The following COL6A5 variants were observed in gnomAD, a reference collection of about 807,000 sequenced individuals.
COL6A5 encodes the protein collagen alpha-5(VI) chain.
COL6A5 carries 48 observed loss-of-function variants against 65.6 expected under a neutral mutation model. The observed-to-expected ratio is 0.73, with a 90% confidence interval of 0.58 to 0.93. COL6A5 has a LOEUF of 0.93. Ranked by LOEUF, COL6A5 falls within the 40% of genes least tolerant of loss-of-function variation. The pLI is 0.00. For synonymous variants in COL6A5, 291 were observed against 322.8 expected, an observed-to-expected ratio of 0.90 and a Z score of 1.05; for missense variants, 914 against 928.3, an observed-to-expected ratio of 0.98 and a Z score of 0.20.
exon 9 of COL6A5, chr3:130,397,718 G>A: frequency 6.4e-7 from 1 of 1,551,710 alleles, no homozygotes; most frequent in Non-Finnish European, 8.7e-7. Context: ...AAGGGGGTGA[G>A]CTGTGGGGCT....
intron 4 of COL6A5, among the ~76,000 whole-genome samples, chr3:130,448,354 G>A (rs564071906): frequency 6.6e-6 from 1 of 152,140 alleles, no homozygotes; most frequent in Admixed American, 6.6e-5. Context: ...CTGGGGCTGC[G>A]GAGGTCGGAA....
chr3:130,465,846 G>C (rs1053088686), intron 5 of COL6A5, among the ~76,000 whole-genome samples: 1 of 151,928 alleles, frequency 6.6e-6, no homozygotes, highest in East Asian at 1.9e-4. Context: ...AAACATGAAA[G>C]ATATAAAAAG....
Position 130,452,001 on chromosome 3 carries a change from G to T in COL6A5, c.1333-3454G>T, listed in dbSNP as rs959099262. ...ACGATCCCATAGTTCTACATCTAAG[G>T]TTCCTTTTTCAGGAAACCAAGGACA... On this transcript the variant is annotated intron_variant, in intron 4 of 7. Coordinates refer to ENST00000512836, the Ensembl canonical transcript of COL6A5. Among the ~76,000 whole-genome samples, 22 of 152,258 alleles carry T rather than the reference G, an allele frequency of 1.4e-4. No homozygotes were observed. In the South Asian group the frequency reaches 1.5e-3, roughly 10 times the overall value.
intron 7 of COL6A5, among the ~76,000 whole-genome samples, chr3:130,472,430 A>G (rs1284609648): frequency 1.3e-5 from 2 of 152,022 alleles, no homozygotes; most frequent in Non-Finnish European, 2.9e-5. Flanking sequence ...GCAGCTCCAT[A>G]GGCTGGGTGG....
At chr3:130,423,845 T>C in exon 29 of COL6A5, 1 of 1,549,514 alleles carries the variant, frequency 6.5e-7, no homozygotes, top group Non-Finnish European at 8.7e-7. Context: ...CAGCTCACTG[T>C]AGGCTTGAAA....
exon 5 of COL6A5, chr3:130,385,129 G>A (rs1490229216): frequency 1.3e-6 from 2 of 1,550,940 alleles, no homozygotes; most frequent in African/African-American, 2.7e-5. Context: ...GAATGAGCAA[G>A]GTTCCCTGTT....
Position 130,469,490 on chromosome 3 carries a change from T to A in COL6A5, c.2231+9T>A, listed in dbSNP as rs529291372. 3.1e-6 allele frequency: 5 copies of A among 1,592,930 alleles called. No homozygotes were observed. The South Asian group carries it at 5.6e-5, about 18-fold the overall frequency. ...TGTCCATTTAATCAGACGTAAGTCA[T>A]TAATTCTCTTTGATTGCTTTTGCAA... On this transcript the variant is annotated intron_variant, in intron 6 of 7. Transcript: ENST00000512836.
At chr3:130,457,747 T>C (rs1458608652) in intron 5 of COL6A5, among the ~76,000 whole-genome samples, 2 of 152,152 alleles carry the variant, frequency 1.3e-5, no homozygotes, top group African/African-American at 4.8e-5. Flanking sequence ...TCTCTTTTCT[T>C]TCTTTCAATC....
At position 130,373,771 on chromosome 3, in the gene COL6A5, A is replaced by T. The variant is rs1434833167; in HGVS notation, c.67+66A>T. The stretch of plus-strand genomic sequence containing the variant: ...TTTTACATCTCAGTAAACTTTAATA[A>T]ACAGCAAGAAATAATTTATTTACTA... On this transcript the variant is annotated intron_variant and NMD_transcript_variant, in intron 2 of 41. Transcript: ENST00000312481. 14 of 941,934 alleles carry T rather than the reference A, an allele frequency of 1.5e-5. No individual in the cohort carries two copies. In the East Asian group the frequency reaches 1.6e-4, roughly 11 times the overall value. 58.3% of individuals were successfully genotyped at this position (941,934 alleles called of 1,614,324 possible).
Position 130,454,229 on chromosome 3 carries a change from A to T in COL6A5, c.1333-1226A>T, listed in dbSNP as rs75750915. Among the ~76,000 whole-genome samples, 52 of 57,754 alleles carry T rather than the reference A, an allele frequency of 9.0e-4. No homozygotes were observed. In the East Asian group the frequency reaches 0.021, roughly 23 times the overall value. The allele number at this position is 57,754 out of a possible 152,430, so 37.9% of individuals were successfully genotyped here. A position where few individuals can be genotyped will look rare whatever the true frequency, so the allele number is the denominator to read the frequency against. On this transcript the variant is annotated intron_variant, in intron 4 of 7. Transcript: ENST00000512836. ...AATGATTCTTCTTTGTCAAAATGGA[A>T]TTTTTAAAAACCAAAAAAAGGTAGA...
In COL6A5 at chr3:130,371,750, A is replaced by G. The variant is rs900370581; in HGVS notation, c.-28-1861A>G. Among the ~76,000 whole-genome samples, 3 of 152,212 alleles carry G rather than the reference A, an allele frequency of 2.0e-5. 1 individual carries two copies. Among genetic ancestry groups the G allele is most frequent in the Non-Finnish European group, 4.4e-5 (3 of 68,030 alleles). On this transcript the variant is annotated intron_variant and NMD_transcript_variant, in intron 1 of 41. Coordinates refer to the COL6A5 transcript ENST00000312481. Reference sequence around the variant, plus strand: ...GAAGAAAACATACAAGTAACTCTTCATGACTGTAGGCAATGGTGTTTTAGA... The same window carrying G: ...GAAGAAAACATACAAGTAACTCTTCGTGACTGTAGGCAATGGTGTTTTAGA...
upstream of COL6A5, chr3:130,431,338 T>G: frequency 9.6e-7 from 1 of 1,041,130 alleles, no homozygotes; most frequent in South Asian, 1.4e-5. Context: ...ATGGGTACCT[T>G]TAGTTCTAGA....
intron 24 of COL6A5, among the ~76,000 whole-genome samples, chr3:130,418,090 T>C (rs1205275095): frequency 6.6e-6 from 1 of 151,934 alleles, no homozygotes; most frequent in East Asian, 1.9e-4. Context: ...GATAAGGCAA[T>C]AGATACATTA....
chr3:130,399,339 G>T (rs1936724529), intron 10 of COL6A5, among the ~76,000 whole-genome samples: 1 of 150,324 alleles, frequency 6.7e-6, no homozygotes, highest in Admixed American at 6.6e-5. Context: ...CCTGGCCTTT[G>T]CTTGCCATTT....
chr3:130,365,741 C>T (rs1411418098), intron 1 of COL6A5, among the ~76,000 whole-genome samples: 2 of 152,136 alleles, frequency 1.3e-5, no homozygotes, highest in Non-Finnish European at 2.9e-5. Context: ...TTCAGGATGG[C>T]CTAACTTAGT....
chr3:130,405,880 A>T lies in COL6A5; in HGVS notation c.4354-113A>T, dbSNP rs562688988. The T allele has an allele frequency of 9.5e-4, 1,027 of 1,080,670 alleles. 1 individual carries two copies. The highest frequency in any genetic ancestry group is 2.6e-3 in the Middle Eastern group (13 of 5,032). The allele number at this position is 1,080,670 out of a possible 1,614,324, so 66.9% of individuals were successfully genotyped here. A position where few individuals can be genotyped will look rare whatever the true frequency, so the allele number is the denominator to read the frequency against. On this transcript the variant is annotated intron_variant and NMD_transcript_variant, in intron 14 of 41. Coordinates refer to the COL6A5 transcript ENST00000312481. Reference sequence around the variant, plus strand: ...AATTGCATCTCTAACCTCTTTGTAGATGTATAGCCCGAAGCGACTAAAGAA... The same window carrying T: ...AATTGCATCTCTAACCTCTTTGTAGTTGTATAGCCCGAAGCGACTAAAGAA...
exon 25 of COL6A5, chr3:130,418,890 G>T: frequency 1.3e-6 from 2 of 1,550,842 alleles, no homozygotes; most frequent in Non-Finnish European, 1.7e-6. Flanking sequence ...ACTTCCTGGA[G>T]ATCTAGGGCC....
chr3:130,418,884 C>A, exon 25 of COL6A5: 1 of 1,550,736 alleles, frequency 6.4e-7, no homozygotes, highest in Non-Finnish European at 8.7e-7. Flanking sequence ...GCCTGGACTT[C>A]CTGGAGATCT....
At chr3:130,449,210 A>G (rs1709372038) in intron 4 of COL6A5, among the ~76,000 whole-genome samples, 1 of 152,162 alleles carries the variant, frequency 6.6e-6, no homozygotes, top group Non-Finnish European at 1.5e-5. Context: ...GAGGCGTGGC[A>G]GCGGCCGCCA....
Sources: gnomAD v4.1 joint callset for allele counts (sites outside exome capture counted in the v4.1 genomes callset) on GRCh38, gnomAD v4.1.1 for gene constraint, MANE v1.5 for transcripts, NCBI Gene and HGNC (gene_info 2026-07-23, HGNC 2026-07-21) for gene names.